Variants in MGST2 observed in about 807,000 individuals in gnomAD.
MGST2 encodes microsomal glutathione S-transferase 2, also known as glutathione peroxidase MGST2.
A neutral mutation model predicts 16.6 loss-of-function variants in MGST2; 9 were observed. The ratio of observed to expected loss-of-function variants is 0.54; its 90% CI spans 0.33 to 0.95. The LOEUF (loss-of-function observed/expected upper bound fraction) is 0.95. Among genes scored for constraint, MGST2 ranks in the 40% least tolerant of loss-of-function variants. The pLI is 0.03. For synonymous variants in MGST2, 79 were observed against 68.0 expected, an observed-to-expected ratio of 1.16 and a Z score of -0.79; for missense variants, 159 against 175.1, an observed-to-expected ratio of 0.91 and a Z score of 0.52.
At chr4:139,697,304 C>CT (rs1241382868) in intron 3 of MGST2, among the ~76,000 whole-genome samples, 1 of 151,478 alleles carries the variant, frequency 6.6e-6, no homozygotes, top group Admixed American at 6.6e-5. Flanking sequence ...TCCTTTGTGA[C>CT]TTTTTTTTTC....
chr4:139,729,655 T>C (rs1035634281), intron 5 of MGST2, among the ~76,000 whole-genome samples: 1 of 152,160 alleles, frequency 6.6e-6, no homozygotes, highest in African/African-American at 2.4e-5. Context: ...GCCTCAGGCC[T>C]TTCCCTAGGA....
intron 2 of MGST2, among the ~76,000 whole-genome samples, chr4:139,682,013 AG>A (rs1276413338): frequency 6.6e-6 from 1 of 152,136 alleles, no homozygotes; most frequent in East Asian, 1.9e-4. Context: ...CAACATAGCA[AG>A]AGCCCCCTCT....
chr4:139,719,452 G>C, intron 5 of MGST2: 1 of 1,614,014 alleles, frequency 6.2e-7, no homozygotes, highest in Non-Finnish European at 8.5e-7. Flanking sequence ...CGTCGCCACT[G>C]TAATTGTATG....
chr4:139,694,183 CTT>C (rs566625479), intron 2 of MGST2, among the ~76,000 whole-genome samples: 29 of 139,618 alleles, frequency 2.1e-4, no homozygotes, highest in Non-Finnish European at 1.7e-4. Flanking sequence ...TGTAATTATG[CTT>C]TTTTTTTTTT....
intron 5 of MGST2, among the ~76,000 whole-genome samples, chr4:139,730,066 C>T (rs753324665): frequency 3.3e-5 from 5 of 152,132 alleles, no homozygotes; most frequent in Non-Finnish European, 5.9e-5. Context: ...AGAAATATTA[C>T]GGCTTATGGA....
chr4:139,714,236 A>C (rs923626441), intron 5 of MGST2, among the ~76,000 whole-genome samples: 2 of 152,218 alleles, frequency 1.3e-5, no homozygotes, highest in Non-Finnish European at 2.9e-5. Context: ...ACACAGAAAA[A>C]CGAATTCATG....
intron 5 of MGST2, among the ~76,000 whole-genome samples, chr4:139,711,074 C>T (rs192816525): frequency 9.3e-5 from 14 of 150,578 alleles, no homozygotes; most frequent in Non-Finnish European, 1.8e-4. Flanking sequence ...AGTGCAGTGG[C>T]GTGATCACAA....
chr4:139,665,911 C>T lies in MGST2; in HGVS notation c.-109C>T, dbSNP rs1730305274. On this transcript the variant is annotated 5_prime_UTR_variant, in exon 1 of 5. Coordinates refer to ENST00000265498, the MANE Select transcript of MGST2 (RefSeq NM_002413.5). ...ATTCAGCCGCTTGAATCAGCCTTTT[C>T]CCCCCACCCGGTCCCCAACTTTGTT... 10 of 1,096,398 alleles carry T rather than the reference C, an allele frequency of 9.1e-6. No individual in the cohort carries two copies. The highest frequency in any genetic ancestry group is 8.3e-6 in the Non-Finnish European group (6 of 724,558). The allele number at this position is 1,096,398 out of a possible 1,614,324, so 67.9% of individuals were successfully genotyped here.
chr4:139,679,179 G>A (rs1731114925), intron 2 of MGST2: 1 of 160,188 alleles, frequency 6.2e-6, no homozygotes, highest in Non-Finnish European at 1.4e-5. Flanking sequence ...CACACAAAAT[G>A]TTCCACCATA....
At position 139,665,821 on chromosome 4, in the gene MGST2, A is replaced by G; in HGVS notation, c.-199A>G. ...CGCCGGAAGCAACTCCCAGCCCCATAAAGATCTGTGACCGGCAGCCCCAGA... is the reference window on the plus strand; with the variant it reads ...CGCCGGAAGCAACTCCCAGCCCCATGAAGATCTGTGACCGGCAGCCCCAGA... On this transcript the variant is annotated 5_prime_UTR_variant, in exon 1 of 5. In the 5' UTR this introduces an upstream ATG that the reference lacks. Coordinates refer to ENST00000265498, the MANE Select transcript of MGST2 (RefSeq NM_002413.5). 1.5e-6 allele frequency: 1 copy of G among 653,792 alleles called. No homozygotes were observed. Among genetic ancestry groups the G allele is most frequent in the South Asian group, 1.7e-5 (1 of 58,762 alleles). The allele number at this position is 653,792 out of a possible 1,614,324, so 40.5% of individuals were successfully genotyped here. A position where few individuals can be genotyped will look rare whatever the true frequency, so the allele number is the denominator to read the frequency against.
chr4:139,684,767 G>A (rs1409438385), intron 2 of MGST2, among the ~76,000 whole-genome samples: 4 of 152,170 alleles, frequency 2.6e-5, no homozygotes, highest in Non-Finnish European at 5.9e-5. Context: ...AAGGTTTTTC[G>A]ACTGTGCAGT....
intron 5 of MGST2, among the ~76,000 whole-genome samples, chr4:139,739,520 G>T (rs1216533003): frequency 6.6e-6 from 1 of 152,054 alleles, no homozygotes; most frequent in African/African-American, 2.4e-5. Flanking sequence ...TTGGTTAAAA[G>T]TTCATTAGTG....
At chr4:139,667,239 T>TA (rs1252892455) in intron 1 of MGST2, among the ~76,000 whole-genome samples, 277 of 152,250 alleles carry the variant, frequency 1.8e-3, no homozygotes, top group African/African-American at 6.4e-3. Context: ...GTTCACGATG[T>TA]ACGGAGAAAC....
intron 5 of MGST2, chr4:139,725,911 C>T (rs1025286283): frequency 2.3e-5 from 28 of 1,231,756 alleles, no homozygotes; most frequent in Middle Eastern, 2.2e-4. Context: ...CCAGCAGTTC[C>T]GAGGAAGGTA....
At chr4:139,729,473 T>A (rs1728615562) in intron 5 of MGST2, among the ~76,000 whole-genome samples, 1 of 152,102 alleles carries the variant, frequency 6.6e-6, no homozygotes, top group Non-Finnish European at 1.5e-5. Context: ...AAGAAAAAAT[T>A]CATAAAATTC....
At chr4:139,729,730 G>A (rs1728625419) in intron 5 of MGST2, among the ~76,000 whole-genome samples, 1 of 152,232 alleles carries the variant, frequency 6.6e-6, no homozygotes. Context: ...GTAGCAGTCT[G>A]CAGGGAAGGC....
chr4:139,671,986 G>T (rs567388770), intron 1 of MGST2, among the ~76,000 whole-genome samples: 10 of 152,090 alleles, frequency 6.6e-5, no homozygotes, highest in Non-Finnish European at 1.3e-4. Context: ...GTCTCTCTGA[G>T]GCCCCTCACC....
At chr4:139,675,688 C>T (rs1225114551) in intron 1 of MGST2, among the ~76,000 whole-genome samples, 1 of 152,204 alleles carries the variant, frequency 6.6e-6, no homozygotes, top group African/African-American at 2.4e-5. Context: ...CAGAAGAGTG[C>T]AGCGGGCTGC....
chr4:139,698,070 A>G (rs1229856435), intron 3 of MGST2: 1 of 880,030 alleles, frequency 1.1e-6, no homozygotes, highest in Non-Finnish European at 1.7e-6. Flanking sequence ...TCTAACGTTC[A>G]GAACTACCAA....
Sources: allele counts gnomAD v4.1 joint callset (sites outside exome capture counted in the v4.1 genomes callset), GRCh38; gene constraint gnomAD v4.1.1; transcripts MANE v1.5; gene names NCBI Gene and HGNC (gene_info 2026-07-23, HGNC 2026-07-21).